Variants in RAD9B observed in about 807,000 individuals in gnomAD.
RAD9B encodes the protein cell cycle checkpoint control protein RAD9B.
In RAD9B, 41 loss-of-function variants were observed where a neutral mutation model predicts 48.3. The ratio of observed to expected loss-of-function variants is 0.85; its 90% CI spans 0.66 to 1.10. The LOEUF (loss-of-function observed/expected upper bound fraction) is 1.10, where lower values mean the gene tolerates loss of function less well. RAD9B is among the 50% of genes least tolerant of loss of function. RAD9B has a pLI of 0.00. For synonymous variants in RAD9B, 160 were observed against 157.9 expected, an observed-to-expected ratio of 1.01 and a Z score of -0.10; for missense variants, 444 against 485.1, an observed-to-expected ratio of 0.92 and a Z score of 0.80.
chr12:110,503,766 A>G lies in RAD9B; in HGVS notation c.47-40A>G, dbSNP rs368457129. 33 of 1,424,436 alleles carry G rather than the reference A, an allele frequency of 2.3e-5. No homozygotes were observed. In the African/African-American group the frequency reaches 4.5e-4, roughly 19 times the overall value. 88.2% of individuals were successfully genotyped at this position (1,424,436 alleles called of 1,614,324 possible). ...TCTTGTGATTTGTTTTTATTGTTAG[A>G]GGGAAAGAATATAAGCATCACCTTT... On this transcript the variant is annotated intron_variant, in intron 1 of 10. Transcript: ENST00000409300.
At chr12:110,516,969 G>T (rs1274900709) in intron 6 of RAD9B, among the ~76,000 whole-genome samples, 1 of 151,818 alleles carries the variant, frequency 6.6e-6, no homozygotes, top group Admixed American at 6.6e-5. Flanking sequence ...TTAATAGTTG[G>T]GTATATCTCC....
Position 110,530,994 on chromosome 12 carries a change from C to T in RAD9B, c.*341C>T, listed in dbSNP as rs1191007199. On this transcript the variant is annotated 3_prime_UTR_variant, in exon 11 of 11. Transcript: ENST00000409300. The stretch of plus-strand genomic sequence containing the variant: ...AAGGTATTTAAACTTTATTCAACAG[C>T]CATTTAGAGTGCCATCAAGATGGCT... 3.9e-6 allele frequency: 4 copies of T among 1,018,798 alleles called. No homozygotes were observed. The African/African-American group carries it at 6.9e-5, about 17-fold the overall frequency. 63.1% of individuals were successfully genotyped at this position (1,018,798 alleles called of 1,614,324 possible). A position where few individuals can be genotyped will look rare whatever the true frequency, so the allele number is the denominator to read the frequency against.
rs73191840 is a variant in RAD9B, at chr12:110,532,652, A to G, written c.*1999A>G. 0.11 allele frequency among the ~76,000 whole-genome samples: 17,120 copies of G among 152,324 alleles called. 1,174 individuals are homozygous for G. The highest frequency in any genetic ancestry group is 0.19 in the African/African-American group (8,082 of 41,554). On this transcript the variant is annotated 3_prime_UTR_variant, in exon 11 of 11. Coordinates refer to ENST00000409300, the MANE Select transcript of RAD9B (RefSeq NM_001286535.2). The stretch of plus-strand genomic sequence containing the variant: ...TTGGTCAACGATGGACTGCACAGAC[A>G]GTGGTGGTCCCATAAGATAATGGAG...
rs537833054 is a variant in RAD9B at position 110,533,234 on chromosome 12, A to C, written c.*2581A>C. Reference sequence around the variant, plus strand: ...ATTTAGTTACTATTCAAACCAAAAGAAGCACACAGATTAGTATAAATACTA... The same window carrying C: ...ATTTAGTTACTATTCAAACCAAAAGCAGCACACAGATTAGTATAAATACTA... On this transcript the variant is annotated 3_prime_UTR_variant, in exon 11 of 11. Transcript: ENST00000409300. 6.6e-6 allele frequency: 1 copy of C among 152,354 alleles called. No homozygotes were observed. The highest frequency in any genetic ancestry group is 1.5e-5 in the Non-Finnish European group (1 of 68,038). 9.4% of individuals were successfully genotyped at this position (152,354 alleles called of 1,614,324 possible).
chr12:110,518,665 A>G lies in RAD9B; in HGVS notation c.596-11A>G. On this transcript the variant is annotated splice_polypyrimidine_tract_variant and intron_variant, in intron 6 of 10. Transcript: ENST00000409300. ...TAATTTTATTCTTTATTTTCCCATA[A>G]TATTAAACAGATTTGAGCAATGCTG... is the stretch of plus-strand genomic sequence containing the variant. 6.5e-7 allele frequency: 1 copy of G among 1,539,194 alleles called. No homozygotes were observed. Among genetic ancestry groups the G allele is most frequent in the Non-Finnish European group, 8.8e-7 (1 of 1,136,042 alleles).
At chr12:110,510,793 A>G (rs1044362585) in intron 4 of RAD9B, among the ~76,000 whole-genome samples, 4 of 152,190 alleles carry the variant, frequency 2.6e-5, no homozygotes, top group Admixed American at 6.5e-5. Context: ...GTCTCTACCA[A>G]AAATACAAAA....
chr12:110,531,867 T>C lies in RAD9B; in HGVS notation c.*1214T>C, dbSNP rs1474943122. The C allele has an allele frequency of 4.6e-5, 22 of 473,696 alleles. No homozygotes were observed. The South Asian group carries it at 6.5e-4, about 14-fold the overall frequency. 29.3% of individuals were successfully genotyped at this position (473,696 alleles called of 1,614,324 possible). A position where few individuals can be genotyped will look rare whatever the true frequency, so the allele number is the denominator to read the frequency against. ...ACGAGACTTTTGTAACATATTATTG[T>C]TACATCTTTCTGAAACCTTCAAACC... On this transcript the variant is annotated 3_prime_UTR_variant, in exon 11 of 11. Coordinates refer to ENST00000409300, the MANE Select transcript of RAD9B (RefSeq NM_001286535.2).
At chr12:110,504,875 TG>T (rs1300803162) in intron 2 of RAD9B, among the ~76,000 whole-genome samples, 1 of 151,990 alleles carries the variant, frequency 6.6e-6, no homozygotes, top group African/African-American at 2.4e-5. Context: ...ATATGTTGTG[TG>T]CCTGTAGTCC....
rs60595280 is a variant in RAD9B at position 110,520,194 on chromosome 12, T to TTTGTTG, written c.890+296_890+301dup. ...CAGAACTCAATTCCAATTTTTAGTT[T>TTTGTTG]TTGTTGTTGTTGTTGTTGTTGTTAT... On this transcript the variant is annotated intron_variant, in intron 9 of 10. Coordinates refer to ENST00000409300, the MANE Select transcript of RAD9B (RefSeq NM_001286535.2). Among the ~76,000 whole-genome samples the TTTGTTG allele has an allele frequency of 2.4e-4, 36 of 151,760 alleles. No homozygotes were observed. In the South Asian group the frequency reaches 3.8e-3, roughly 16 times the overall value.
chr12:110,525,018 T>G (rs1415934674), intron 10 of RAD9B, among the ~76,000 whole-genome samples: 1 of 152,140 alleles, frequency 6.6e-6, no homozygotes, highest in Non-Finnish European at 1.5e-5. Flanking sequence ...AGACGGAGTT[T>G]CATTTTCGCC....
chr12:110,519,524 A>G (rs1031073474), intron 8 of RAD9B, among the ~76,000 whole-genome samples: 2 of 151,444 alleles, frequency 1.3e-5, no homozygotes, highest in African/African-American at 4.9e-5. Context: ...TCCGCCTCCC[A>G]GGTTCAAGTG....
chr12:110,503,867 T>TA lies in RAD9B; in HGVS notation c.114dup (p.Gly39ArgfsTer37), dbSNP rs1266327567. On this transcript the variant is annotated frameshift_variant, in exon 2 of 11. Transcript: ENST00000409300. LOFTEE classifies it high-confidence loss of function. ...GTGACGAGTTCTGGCTAGACCCATC[T>TA]AAAAAAGGTGTAAGTAAGAAAGTTA... 4 of 1,563,320 alleles carry TA rather than the reference T, an allele frequency of 2.6e-6. No individual in the cohort carries two copies.
At chr12:110,523,174 G>C (rs770387886) in intron 10 of RAD9B, among the ~76,000 whole-genome samples, 12 of 152,084 alleles carry the variant, frequency 7.9e-5, no homozygotes, top group African/African-American at 2.9e-4. Flanking sequence ...AGTGACTCAC[G>C]CCTGTAACCC....
intron 1 of RAD9B, chr12:110,502,876 A>T (rs963955194): frequency 6.3e-6 from 1 of 158,034 alleles, no homozygotes; most frequent in Non-Finnish European, 1.4e-5. Context: ...GAGGCAATGA[A>T]ATGGAAATGC....
intron 2 of RAD9B, among the ~76,000 whole-genome samples, chr12:110,505,149 G>A (rs1179413466): frequency 1.3e-5 from 2 of 151,798 alleles, no homozygotes; most frequent in East Asian, 1.9e-4. Flanking sequence ...ATACGTACAT[G>A]CTTGTATATA....
chr12:110,530,362 C>T (rs1348751734), intron 10 of RAD9B, among the ~76,000 whole-genome samples, 163 bp from the exon 11 acceptor site: 1 of 148,374 alleles, frequency 6.7e-6, no homozygotes, highest in South Asian at 2.1e-4. Flanking sequence ...GGTTTTAGGA[C>T]GTGTTGGACC....
chr12:110,517,760 A>ACG (rs1237682463), intron 6 of RAD9B, among the ~76,000 whole-genome samples: 3 of 138,764 alleles, frequency 2.2e-5, no homozygotes, highest in Non-Finnish European at 4.6e-5. Flanking sequence ...TGACACACAC[A>ACG]CACACACACA....
intron 5 of RAD9B, among the ~76,000 whole-genome samples, chr12:110,514,583 A>G (rs2063556377): frequency 6.6e-6 from 1 of 152,218 alleles, no homozygotes; most frequent in Non-Finnish European, 1.5e-5. Context: ...GCAACAGGTA[A>G]CAGTCGAGGA....
At position 110,532,427 on chromosome 12, in the gene RAD9B, G is replaced by A. The variant is rs904025539; in HGVS notation, c.*1774G>A. Among the ~76,000 whole-genome samples the A allele has an allele frequency of 5.3e-5, 8 of 152,164 alleles. No homozygotes were observed. Among genetic ancestry groups the A allele is most frequent in the African/African-American group, 1.2e-4 (5 of 41,428 alleles). On this transcript the variant is annotated 3_prime_UTR_variant, in exon 11 of 11. Coordinates refer to ENST00000409300, the MANE Select transcript of RAD9B (RefSeq NM_001286535.2). ...GACTATTATTATAGTTAATACTGGC[G>A]GGGTGTAGTGGCTCATGCCTGTAAT... is the stretch of plus-strand genomic sequence containing the variant.
Sources: gnomAD v4.1 joint callset for allele counts (sites outside exome capture counted in the v4.1 genomes callset) on GRCh38, gnomAD v4.1.1 for gene constraint, MANE v1.5 for transcripts, NCBI Gene and HGNC (gene_info 2026-07-23, HGNC 2026-07-21) for gene names.